The following DST variants were observed in gnomAD, a reference collection of about 807,000 sequenced individuals.
DST encodes bullous pemphigoid antigen.
A neutral mutation model predicts 875.2 loss-of-function variants in DST; 253 were observed. That is an observed-to-expected ratio of 0.29 (90% CI 0.26 to 0.32). The LOEUF (loss-of-function observed/expected upper bound fraction) is 0.32. DST is among the 10% of genes least tolerant of loss of function. The pLI is 1.00. For missense variants in DST, 8,287 were observed against 9,111.6 expected (o/e 0.91, Z 3.68); for synonymous variants, 3,124 against 3,197.1 (o/e 0.98, Z 0.77).
chr6:56,472,326 C>A (rs775631830), intron 93 of DST, 104 bp from the exon 94 acceptor site: 42 of 991,954 alleles, frequency 4.2e-5, no homozygotes, highest in Non-Finnish European at 5.9e-5. Flanking sequence ...AACTTAATTA[C>A]GTGTTTACGC....
At chr6:56,730,532 CAT>C (rs1455359780) in intron 5 of DST, among the ~76,000 whole-genome samples, 1 of 152,082 alleles carries the variant, frequency 6.6e-6, no homozygotes, top group African/African-American at 2.4e-5. Context: ...TACCTAGTGT[CAT>C]AGGTAGAAGA....
chr6:56,934,056 G>A (rs1811585572), intron 2 of DST, among the ~76,000 whole-genome samples: 1 of 151,464 alleles, frequency 6.6e-6, no homozygotes, highest in African/African-American at 2.4e-5. Flanking sequence ...TTTAGAGATG[G>A]GGATCTCACC....
At chr6:56,553,957 G>A (rs531117255) in intron 60 of DST, among the ~76,000 whole-genome samples, 3 of 152,140 alleles carry the variant, frequency 2.0e-5, no homozygotes, top group East Asian at 1.9e-4. Context: ...GCCACACATC[G>A]CCTGCTGTGC....
At chr6:56,473,758 G>T in intron 93 of DST, 115 bp downstream of exon 93, 1 of 939,224 alleles carries the variant, frequency 1.1e-6, no homozygotes, top group Non-Finnish European at 1.6e-6. Context: ...AGTATTTCAT[G>T]ATATCAAGTG....
chr6:56,779,933 T>A (rs2099689057), intron 4 of DST, among the ~76,000 whole-genome samples: 1 of 140,130 alleles, frequency 7.1e-6, no homozygotes, highest in East Asian at 2.2e-4. Flanking sequence ...TGTCCATGTG[T>A]TCTCATTGTT....
At chr6:56,697,134 T>C (rs1373525174) in intron 9 of DST, among the ~76,000 whole-genome samples, 1 of 152,114 alleles carries the variant, frequency 6.6e-6, no homozygotes, top group African/African-American at 2.4e-5. Context: ...CACCCCTGTG[T>C]CTCTCAGTAG....
At chr6:56,481,237 C>G (rs2152419763) in intron 90 of DST, among the ~76,000 whole-genome samples, 1 of 152,228 alleles carries the variant, frequency 6.6e-6, no homozygotes, top group East Asian at 1.9e-4. Flanking sequence ...CTTCAAAAGA[C>G]AAAATTATTT....
At chr6:56,774,654 C>A (rs2099674369) in intron 4 of DST, among the ~76,000 whole-genome samples, 1 of 151,880 alleles carries the variant, frequency 6.6e-6, no homozygotes, top group Non-Finnish European at 1.5e-5. Flanking sequence ...TACAGAATAC[C>A]CTGAAGTCAT....
intron 2 of DST, among the ~76,000 whole-genome samples, chr6:56,942,861 A>T (rs982767969): frequency 2.6e-5 from 4 of 151,788 alleles, no homozygotes; most frequent in Admixed American, 2.6e-4. Context: ...GGACTATAGG[A>T]GCACATCACC....
chr6:56,561,207 TAGAAA>T (rs370542717), intron 57 of DST, 96 bp downstream of exon 57: 10 of 1,307,480 alleles, frequency 7.6e-6, no homozygotes, highest in Middle Eastern at 4.0e-4. Context: ...GTTACAGAGC[TAGAAA>T]AGAAAACAGA....
intron 30 of DST, among the ~76,000 whole-genome samples, 179 bp downstream of exon 30, chr6:56,631,032 C>A (rs1173508566): frequency 6.6e-6 from 1 of 152,132 alleles, no homozygotes; most frequent in Non-Finnish European, 1.5e-5. Flanking sequence ...ATTCACCTGC[C>A]TTGGCCTCCC....
At chr6:56,872,721 T>C (rs543287288) in intron 3 of DST, among the ~76,000 whole-genome samples, 1 of 152,132 alleles carries the variant, frequency 6.6e-6, no homozygotes, top group Non-Finnish European at 1.5e-5. Context: ...TTAGCTTTTG[T>C]TTTGAGTGGG....
chr6:56,827,287 G>A (rs1005032791), intron 4 of DST, among the ~76,000 whole-genome samples: 5 of 151,992 alleles, frequency 3.3e-5, no homozygotes, highest in Admixed American at 1.3e-4. Context: ...AGGCCGAGGC[G>A]GGTGGATCAC....
chr6:56,801,912 G>A (rs1347422278), intron 4 of DST, among the ~76,000 whole-genome samples: 1 of 151,930 alleles, frequency 6.6e-6, no homozygotes, highest in Non-Finnish European at 1.5e-5. Context: ...ACCACACCTG[G>A]CTAATTTTTG....
chr6:56,722,401 TG>T (rs36023523), intron 5 of DST, among the ~76,000 whole-genome samples: 21,406 of 151,966 alleles, frequency 0.14, 2,361 homozygotes, highest in East Asian at 0.44. Flanking sequence ...TATTTATTTT[TG>T]AGACGAAGTC....
At chr6:56,812,253 A>C (rs1220289298) in intron 4 of DST, among the ~76,000 whole-genome samples, 2 of 152,188 alleles carry the variant, frequency 1.3e-5, no homozygotes, top group Admixed American at 1.3e-4. Flanking sequence ...TTAATTTTAT[A>C]TCAGGCTTTT....
chr6:56,843,478 G>T, intron 4 of DST: 1 of 994,502 alleles, frequency 1.0e-6, no homozygotes, highest in Non-Finnish European at 1.2e-6. Flanking sequence ...GGAGCGGGGC[G>T]TGCGGCGAGG....
chr6:56,880,681 C>T (rs1369740220), intron 3 of DST, among the ~76,000 whole-genome samples: 11 of 144,486 alleles, frequency 7.6e-5, no homozygotes, highest in East Asian at 4.0e-4. Flanking sequence ...AGTGAGACTC[C>T]GTCTCAAAAA....
chr6:56,796,457 TA>T (rs1243637648), intron 4 of DST, among the ~76,000 whole-genome samples: 1 of 152,196 alleles, frequency 6.6e-6, no homozygotes, highest in Non-Finnish European at 1.5e-5. Context: ...GAGAGTGAGC[TA>T]AATGTTCTTC....
Sources: gnomAD v4.1 joint callset for allele counts (sites outside exome capture counted in the v4.1 genomes callset) on GRCh38, gnomAD v4.1.1 for gene constraint, MANE v1.5 for transcripts, NCBI Gene and HGNC (gene_info 2026-07-23, HGNC 2026-07-21) for gene names.